RAB27B: variants seen among roughly 807,000 people sequenced by gnomAD.
The protein encoded by RAB27B is ras-related protein Rab-27B.
In RAB27B, 15 loss-of-function variants were observed where a neutral mutation model predicts 24.6. The ratio of observed to expected loss-of-function variants is 0.61; its 90% confidence interval spans 0.41 to 0.94. The LOEUF is 0.94. Ranked by LOEUF, RAB27B falls within the 40% of genes least tolerant of loss-of-function variation. The pLI, the probability that RAB27B is intolerant of heterozygous loss-of-function variation, is 0.00. For synonymous variants in RAB27B, 105 were observed against 92.5 expected, an observed-to-expected ratio of 1.14 and a Z score of -0.78; for missense variants, 261 against 266.8, an observed-to-expected ratio of 0.98 and a Z score of 0.15.
intron 2 of RAB27B, among the ~76,000 whole-genome samples, chr18:54,737,069 C>G (rs1044436804): frequency 2.6e-5 from 4 of 152,072 alleles, no homozygotes; most frequent in Non-Finnish European, 4.4e-5. Flanking sequence ...AGTAAACCAC[C>G]TCCAAATGAC....
chr18:54,786,476 C>T (rs7232779), intron 2 of RAB27B, among the ~76,000 whole-genome samples: 55 of 152,254 alleles, frequency 3.6e-4, no homozygotes, highest in African/African-American at 1.3e-3. Flanking sequence ...TAAAATAGGA[C>T]ACAGCTGTCT....
chr18:54,718,149 C>T (rs1909247378), intron 2 of RAB27B: 1 of 152,066 alleles, frequency 6.6e-6, no homozygotes, highest in Non-Finnish European at 1.5e-5. Context: ...GGTGTGAGTA[C>T]GTTGGTCACA....
chr18:54,874,702 A>T (rs1456907431), intron 1 of RAB27B, among the ~76,000 whole-genome samples: 2 of 152,162 alleles, frequency 1.3e-5, no homozygotes, highest in African/African-American at 2.4e-5. Flanking sequence ...AAAAACTGCT[A>T]AAAAAATTAA....
intron 2 of RAB27B, among the ~76,000 whole-genome samples, chr18:54,823,183 T>C (rs1910365054): frequency 6.6e-6 from 1 of 152,256 alleles, no homozygotes; most frequent in African/African-American, 2.4e-5. Context: ...AAGTTACATA[T>C]TCGTTGTGAA....
At chr18:54,806,911 A>T (rs1190257453) in intron 2 of RAB27B, among the ~76,000 whole-genome samples, 1 of 151,974 alleles carries the variant, frequency 6.6e-6, no homozygotes, top group Non-Finnish European at 1.5e-5. Context: ...TATTTTCTTT[A>T]TTTTTTTATT....
At chr18:54,882,304 C>T (rs1912958038) in intron 3 of RAB27B, among the ~76,000 whole-genome samples, 1 of 152,078 alleles carries the variant, frequency 6.6e-6, no homozygotes, top group Non-Finnish European at 1.5e-5. Flanking sequence ...CTTTCACTTG[C>T]ACTGTTTAAC....
intron 1 of RAB27B, among the ~76,000 whole-genome samples, chr18:54,860,854 A>G (rs942677668): frequency 2.6e-5 from 4 of 152,200 alleles, no homozygotes; most frequent in Non-Finnish European, 5.9e-5. Flanking sequence ...TGTAGATATA[A>G]TCTCCATTTT....
At chr18:54,881,533 C>G (rs1392184792) in intron 3 of RAB27B, among the ~76,000 whole-genome samples, 2 of 152,098 alleles carry the variant, frequency 1.3e-5, no homozygotes, top group Non-Finnish European at 2.9e-5. Flanking sequence ...ATCTTATAAG[C>G]AGAGGGAGTT....
At chr18:54,739,678 A>G (rs1910015827) in intron 2 of RAB27B, among the ~76,000 whole-genome samples, 1 of 151,916 alleles carries the variant, frequency 6.6e-6, no homozygotes, top group South Asian at 2.1e-4. Flanking sequence ...TGCTAAGTGT[A>G]CATTTAGCTT....
At chr18:54,770,334 C>A (rs2145068355) in intron 2 of RAB27B, among the ~76,000 whole-genome samples, 1 of 152,218 alleles carries the variant, frequency 6.6e-6, no homozygotes, top group African/African-American at 2.4e-5. Flanking sequence ...CACCTCCTGT[C>A]TGATTGGCAG....
At chr18:54,741,225 C>A (rs1910061535) in intron 2 of RAB27B, among the ~76,000 whole-genome samples, 1 of 152,122 alleles carries the variant, frequency 6.6e-6, no homozygotes, top group African/African-American at 2.4e-5. Flanking sequence ...AACATTAGAA[C>A]ACTCACCTAC....
upstream of RAB27B, chr18:54,828,259 A>G (rs1163201202): frequency 6.6e-6 from 1 of 152,160 alleles, no homozygotes; most frequent in African/African-American, 2.4e-5. Context: ...AATGAATAAA[A>G]ATGAGCTCGC....
chr18:54,815,501 G>C (rs1910094139), intron 2 of RAB27B, among the ~76,000 whole-genome samples: 1 of 152,112 alleles, frequency 6.6e-6, no homozygotes, highest in Non-Finnish European at 1.5e-5. Context: ...AAATCCCTCT[G>C]CCTCTGGACT....
chr18:54,851,416 A>T (rs982722393), intron 1 of RAB27B, among the ~76,000 whole-genome samples: 4 of 152,210 alleles, frequency 2.6e-5, no homozygotes, highest in Non-Finnish European at 5.9e-5. Flanking sequence ...AACCTGCAAA[A>T]TCTATCTTAT....
chr18:54,805,025 G>A (rs1598917416), intron 2 of RAB27B, among the ~76,000 whole-genome samples: 1 of 131,370 alleles, frequency 7.6e-6, no homozygotes, highest in Non-Finnish European at 1.6e-5. Flanking sequence ...TTTAATTTTT[G>A]ACTGCTCTCC....
chr18:54,768,975 C>T (rs1189126538), intron 2 of RAB27B, among the ~76,000 whole-genome samples: 1 of 152,118 alleles, frequency 6.6e-6, no homozygotes, highest in East Asian at 1.9e-4. Flanking sequence ...TATCATTCCA[C>T]CAGGCCACTC....
At chr18:54,791,630 G>A (rs1019360103) in intron 2 of RAB27B, among the ~76,000 whole-genome samples, 3 of 152,176 alleles carry the variant, frequency 2.0e-5, no homozygotes, top group African/African-American at 7.2e-5. Flanking sequence ...CCTAGGTGAG[G>A]ACAGACACTC....
At chr18:54,846,443 A>G (rs1295883126) in intron 1 of RAB27B, among the ~76,000 whole-genome samples, 2 of 152,214 alleles carry the variant, frequency 1.3e-5, no homozygotes, top group East Asian at 1.9e-4. Flanking sequence ...ACAAGAATGA[A>G]CTCTATTTAT....
intron 2 of RAB27B, among the ~76,000 whole-genome samples, chr18:54,813,516 A>G (rs1477979980): frequency 6.6e-6 from 1 of 152,176 alleles, no homozygotes. Context: ...ATTGTTTCAA[A>G]GAGCATGGCA....
Sources: allele counts gnomAD v4.1 joint callset (sites outside exome capture counted in the v4.1 genomes callset), GRCh38; gene constraint gnomAD v4.1.1; transcripts MANE v1.5; gene names NCBI Gene and HGNC (gene_info 2026-07-23, HGNC 2026-07-21).